DDX17: variants seen among roughly 807,000 people sequenced by gnomAD.
DDX17 encodes DEAD-box helicase 17.
DDX17 carries 10 observed loss-of-function variants against 80.8 expected under a neutral mutation model. That is an observed-to-expected ratio of 0.12 (90% CI 0.08 to 0.21). DDX17 has a LOEUF of 0.21. Ranked by LOEUF, DDX17 falls within the 10% of genes least tolerant of loss-of-function variation. The pLI is 1.00. For missense variants in DDX17, 586 were observed against 957.4 expected, an observed-to-expected ratio of 0.61 and a Z score of 5.12; for synonymous variants, 339 against 336.2, an observed-to-expected ratio of 1.01 and a Z score of -0.09.
intron 11 of DDX17, chr22:38,488,876 G>T: frequency 5.1e-6 from 5 of 985,322 alleles, no homozygotes; most frequent in Non-Finnish European, 6.0e-6. Flanking sequence ...TTCAACTCAG[G>T]ACTTGTTTCA....
chr22:38,495,552 C>G, intron 6 of DDX17, among the ~76,000 whole-genome samples: 1 of 152,144 alleles, frequency 6.6e-6, no homozygotes, highest in East Asian at 1.9e-4. Flanking sequence ...CCCAGAGAAG[C>G]TAAATTTTAA....
intron 2 of DDX17, among the ~76,000 whole-genome samples, chr22:38,500,361 G>C (rs1424764781): frequency 6.6e-6 from 1 of 152,042 alleles, no homozygotes; most frequent in African/African-American, 2.4e-5. Context: ...ATGTAAGAAA[G>C]GCTGGGCATG....
chr22:38,501,086 C>T, intron 2 of DDX17, 44 bp downstream of exon 2: 1 of 1,588,492 alleles, frequency 6.3e-7, no homozygotes, highest in Non-Finnish European at 8.6e-7. Context: ...AATATATCTA[C>T]TTGGTTCAAT....
intron 3 of DDX17, 147 bp from the exon 4 acceptor site, chr22:38,498,720 C>G: frequency 2.4e-6 from 2 of 829,086 alleles, no homozygotes; most frequent in Non-Finnish European, 3.7e-6. Context: ...AGATCTCCGA[C>G]CAACTCACTG....
intron 1 of DDX17, among the ~76,000 whole-genome samples, chr22:38,502,886 T>C (rs1287974916): frequency 6.6e-6 from 1 of 152,244 alleles, no homozygotes; most frequent in Non-Finnish European, 1.5e-5. Flanking sequence ...ACTTTATCAT[T>C]GATAGGCAAG....
chr22:38,490,206 G>A (rs2089699414), intron 11 of DDX17: 1 of 1,204,660 alleles, frequency 8.3e-7, no homozygotes, highest in African/African-American at 1.6e-5. Context: ...ATATTATCTT[G>A]CTGCCTTTCT....
chr22:38,497,456 A>G (rs2089780192), intron 5 of DDX17, among the ~76,000 whole-genome samples: 1 of 151,460 alleles, frequency 6.6e-6, no homozygotes, highest in Non-Finnish European at 1.5e-5. Flanking sequence ...TGTCTCTACT[A>G]AAAATACAAA....
Position 38,506,307 on chromosome 22 carries a change from A to C in DDX17, c.-70T>G. On this transcript the variant is annotated 5_prime_UTR_variant, in exon 1 of 13. Transcript: ENST00000403230. ...CCTTCCTTCCCAGCGACTGCACAAA[A>C]TGGCGGCCGCCGCTGAGTCGGCTCC... is the stretch of plus-strand genomic sequence containing the variant. 1.4e-6 allele frequency: 2 copies of C among 1,470,622 alleles called. No individual in the cohort carries two copies. Among genetic ancestry groups the C allele is most frequent in the Non-Finnish European group, 1.8e-6 (2 of 1,110,014 alleles). 91.1% of individuals were successfully genotyped at this position (1,470,622 alleles called of 1,614,324 possible). A position where few individuals can be genotyped will look rare whatever the true frequency, so the allele number is the denominator to read the frequency against.
At position 38,489,212 on chromosome 22, in the gene DDX17, C is replaced by CT; in HGVS notation, c.1448-1098dup. ...GATATAAATAATTAAAAAACATTCT[C>CT]TGTTTGTTACCAGACCGATGCACAC... On this transcript the variant is annotated intron_variant, in intron 11 of 12. Transcript: ENST00000403230. The surrounding 1 kb of genome is among the most constrained non-coding windows in gnomAD (Gnocchi z 4.6). 1 of 985,786 alleles carries CT rather than the reference C, an allele frequency of 1.0e-6. No individual in the cohort carries two copies. Among genetic ancestry groups the CT allele is most frequent in the South Asian group, 4.7e-5 (1 of 21,288 alleles). 61.1% of individuals were successfully genotyped at this position (985,786 alleles called of 1,614,324 possible). A position where few individuals can be genotyped will look rare whatever the true frequency, so the allele number is the denominator to read the frequency against.
intron 2 of DDX17, among the ~76,000 whole-genome samples, 155 bp downstream of exon 2, chr22:38,500,974 GA>G (rs71702696): frequency 3.6e-4 from 51 of 140,270 alleles, no homozygotes; most frequent in African/African-American, 1.1e-3. Flanking sequence ...CTACAAAAAG[GA>G]AAAAAAAAAA....
intron 11 of DDX17, 144 bp downstream of exon 11, chr22:38,491,912 T>G: frequency 1.8e-6 from 1 of 549,968 alleles, no homozygotes; most frequent in Non-Finnish European, 3.0e-6. Context: ...ATGGGGAGAA[T>G]CACGCTTTGT....
At position 38,489,346 on chromosome 22, in the gene DDX17, G is replaced by A. The variant is rs548109914; in HGVS notation, c.1448-1231C>T. On this transcript the variant is annotated intron_variant, in intron 11 of 12. Transcript: ENST00000403230. The surrounding 1 kb of genome is among the most constrained non-coding windows in gnomAD (Gnocchi z 4.6). The stretch of plus-strand genomic sequence containing the variant: ...TTCTGACACGGGACCACTGGAGCGC[G>A]GGGAGCATGCATCAAGGGTCCGTGG... 4.1e-6 allele frequency: 4 copies of A among 985,682 alleles called. No individual in the cohort carries two copies. The highest frequency in any genetic ancestry group is 4.7e-5 in the South Asian group (1 of 21,274). 61.1% of individuals were successfully genotyped at this position (985,682 alleles called of 1,614,324 possible).
intron 3 of DDX17, among the ~76,000 whole-genome samples, chr22:38,499,063 T>C (rs1455147505): frequency 6.6e-6 from 1 of 152,094 alleles, no homozygotes; most frequent in East Asian, 1.9e-4. Flanking sequence ...TCCCAGAAAT[T>C]TGAAAAACCA....
chr22:38,494,134 G>T lies in DDX17; in HGVS notation c.1215-3C>A. On this transcript the variant is annotated splice_region_variant and splice_polypyrimidine_tract_variant and intron_variant, in intron 8 of 12. Coordinates refer to ENST00000403230, the MANE Select transcript of DDX17 (RefSeq NM_006386.5). ...TTTCTTCCATTAGTTGGATCAACCT[G>T]AAAACATGACCAACAATGCAGTCAT... 6.3e-7 allele frequency: 1 copy of T among 1,593,874 alleles called. No individual in the cohort carries two copies. The highest frequency in any genetic ancestry group is 8.6e-7 in the Non-Finnish European group (1 of 1,162,166).
At position 38,489,109 on chromosome 22, in the gene DDX17, C is replaced by T. The variant is rs1569137598; in HGVS notation, c.1448-994G>A. 1.0e-6 allele frequency: 1 copy of T among 983,928 alleles called. No homozygotes were observed. The highest frequency in any genetic ancestry group is 1.2e-6 in the Non-Finnish European group (1 of 828,804). The allele number at this position is 983,928 out of a possible 1,614,324, so 60.9% of individuals were successfully genotyped here. A position where few individuals can be genotyped will look rare whatever the true frequency, so the allele number is the denominator to read the frequency against. ...CAATTTTAAGAATATAACAAAGAAT[C>T]CTACTGTTTTGTGGAAAAAAATCTG... On this transcript the variant is annotated intron_variant, in intron 11 of 12. Coordinates refer to ENST00000403230, the MANE Select transcript of DDX17 (RefSeq NM_006386.5). This position sits in a 1 kb window ranked among gnomAD's most constrained non-coding sequence, Gnocchi z 4.6.
Position 38,486,128 on chromosome 22 carries a change from G to A in DDX17, c.1997C>T (p.Thr666Ile), listed in dbSNP as rs2089656348. The A allele has an allele frequency of 6.2e-7, 1 of 1,614,112 alleles. No homozygotes were observed. The highest frequency in any genetic ancestry group is 1.1e-5 in the South Asian group (1 of 91,096). ...GCTCTGTGAACTTCTCCCAGTTGAG[G>A]TGGTGCTACTAGCTCCATAAGTGCC... The change falls in exon 13 of 13, where the codon ACC becomes ATC. Residue 666 changes from threonine to isoleucine, a missense_variant. Thr to Ile is a moderately conservative substitution (Grantham distance 89). Coordinates refer to ENST00000403230, the MANE Select transcript of DDX17 (RefSeq NM_006386.5).
chr22:38,489,376 GAGA>G lies in DDX17; in HGVS notation c.1448-1264_1448-1262del, dbSNP rs1397600183. 2.0e-6 allele frequency: 2 copies of G among 985,770 alleles called. No homozygotes were observed. Among genetic ancestry groups the G allele is most frequent in the Non-Finnish European group, 1.2e-6 (1 of 829,918 alleles). The allele number at this position is 985,770 out of a possible 1,614,324, so 61.1% of individuals were successfully genotyped here. A position where few individuals can be genotyped will look rare whatever the true frequency, so the allele number is the denominator to read the frequency against. On this transcript the variant is annotated intron_variant, in intron 11 of 12. Transcript: ENST00000403230. This position sits in a 1 kb window ranked among gnomAD's most constrained non-coding sequence, Gnocchi z 4.6. ...GCATGCATCAAGGGTCCGTGGCAGT[GAGA>G]AGTCCCCACACACGCTCGCTCTGTG...
chr22:38,493,113 G>T (rs977199134), intron 10 of DDX17, among the ~76,000 whole-genome samples: 1 of 152,180 alleles, frequency 6.6e-6, no homozygotes, highest in African/African-American at 2.4e-5. Context: ...TACAACAGGG[G>T]TAAGACAAAC....
chr22:38,484,399 T>C lies in DDX17; in HGVS notation c.*1536A>G, dbSNP rs944294583. ...TACTTTCAGAACCCCTCAGAAACCA[T>C]CCCTCTCTCCCTAAAGAATTTTAAA... On this transcript the variant is annotated 3_prime_UTR_variant, in exon 13 of 13. Transcript: ENST00000403230. The C allele has an allele frequency of 2.6e-5, 4 of 152,142 alleles. No individual in the cohort carries two copies. Among genetic ancestry groups the C allele is most frequent in the African/African-American group, 9.7e-5 (4 of 41,408 alleles). 9.4% of individuals were successfully genotyped at this position (152,142 alleles called of 1,614,324 possible). A position where few individuals can be genotyped will look rare whatever the true frequency, so the allele number is the denominator to read the frequency against.
Sources: allele counts gnomAD v4.1 joint callset (sites outside exome capture counted in the v4.1 genomes callset), GRCh38; gene constraint gnomAD v4.1.1; non-coding constraint Gnocchi (gnomAD v3.1); transcripts MANE v1.5; gene names NCBI Gene and HGNC (gene_info 2026-07-23, HGNC 2026-07-21).